The following NAALAD2 variants were observed in gnomAD, a reference collection of about 807,000 sequenced individuals.
NAALAD2 encodes N-acetylated alpha-linked acidic dipeptidase 2, also known as N-acetylated-alpha-linked acidic dipeptidase 2.
A neutral mutation model predicts 95.6 loss-of-function variants in NAALAD2; 89 were observed. The ratio of observed to expected loss-of-function variants is 0.93; its 90% confidence interval spans 0.78 to 1.11. The LOEUF is 1.11. Among genes scored for constraint, NAALAD2 ranks in the 50% least tolerant of loss-of-function variants. The pLI is 0.00. For synonymous variants in NAALAD2, 264 were observed against 294.4 expected (o/e 0.90, Z 1.06); for missense variants, 894 against 872.4 (o/e 1.02, Z -0.31).
At chr11:90,182,483 T>C (rs1403011413) in intron 17 of NAALAD2, among the ~76,000 whole-genome samples, 2 of 152,114 alleles carry the variant, frequency 1.3e-5, no homozygotes, top group Admixed American at 1.3e-4. Context: ...CAGCTATCTC[T>C]TACCCTCCTT....
chr11:90,163,613 C>G lies in NAALAD2; in HGVS notation c.1274C>G (p.Ala425Gly). ...EFGLLGSTEW[A>G]EENVKILQER... ...GGACTTCTGGGTTCCACAGAATGGG[C>G]TGAGGTAAATAAGACAAAGAAGGTT... The change falls in exon 11 of 19, where the codon GCT becomes GGT. Residue 425 changes from alanine (A) to glycine (G), a missense_variant. Transcript: ENST00000534061. 6.2e-7 allele frequency: 1 copy of G among 1,613,814 alleles called. No homozygotes were observed. The highest frequency in any genetic ancestry group is 1.1e-5 in the South Asian group (1 of 91,064).
chr11:90,149,004 A>G lies in NAALAD2; in HGVS notation c.382-2A>G. 2 of 1,561,036 alleles carry G rather than the reference A, an allele frequency of 1.3e-6. No individual in the cohort carries two copies. Among genetic ancestry groups the G allele is most frequent in the Non-Finnish European group, 1.7e-6 (2 of 1,146,580 alleles). Reference sequence around the variant, plus strand: ...AACTTGACATATTTTAATTCTTGCTAGATTTTCAAAACATCATACCTTGAA... The same window carrying G: ...AACTTGACATATTTTAATTCTTGCTGGATTTTCAAAACATCATACCTTGAA... On this transcript the variant is annotated splice_acceptor_variant, in intron 3 of 18. Coordinates refer to ENST00000534061, the MANE Select transcript of NAALAD2 (RefSeq NM_005467.4). LOFTEE classifies it high-confidence loss of function.
intron 6 of NAALAD2, among the ~76,000 whole-genome samples, chr11:90,156,003 A>C (rs113381020): frequency 3.3e-5 from 5 of 150,516 alleles, no homozygotes; most frequent in African/African-American, 1.2e-4. Context: ...ATTTCATCTA[A>C]CTTGCTGAAT....
chr11:90,134,469 C>A, upstream of NAALAD2: 1 of 394,494 alleles, frequency 2.5e-6, no homozygotes, highest in East Asian at 4.8e-5. Context: ...AAATTAGGGA[C>A]GTTTTCAGCA....
At chr11:90,187,265 G>C (rs189398733) in intron 18 of NAALAD2, among the ~76,000 whole-genome samples, 15 of 152,114 alleles carry the variant, frequency 9.9e-5, no homozygotes, top group Admixed American at 3.3e-4. Context: ...TCAGTGTGGC[G>C]ATTCCTCAGG....
At position 90,163,514 on chromosome 11, in the gene NAALAD2, G is replaced by T. The variant is rs118018208; in HGVS notation, c.1196-21G>T. On this transcript the variant is annotated intron_variant, in intron 10 of 18. Transcript: ENST00000534061. ...TTTTTAGGCAGTTGTACCTAACCAC[G>T]TGTGTTAACAATTCTTACAGGCTGG... 6 of 1,613,342 alleles carry T rather than the reference G, an allele frequency of 3.7e-6. No homozygotes were observed. The South Asian group carries it at 6.6e-5, about 18-fold the overall frequency.
chr11:90,167,705 A>G (rs946167349), intron 11 of NAALAD2, among the ~76,000 whole-genome samples: 32 of 152,192 alleles, frequency 2.1e-4, no homozygotes, highest in African/African-American at 7.5e-4. Context: ...AAACACACCA[A>G]TCAGCACCCT....
At chr11:90,181,318 A>G (rs1779161742) in intron 16 of NAALAD2, among the ~76,000 whole-genome samples, 1 of 152,120 alleles carries the variant, frequency 6.6e-6, no homozygotes, top group Non-Finnish European at 1.5e-5. Context: ...TGTTGTCCCA[A>G]TGAATGAATG....
rs150623641 is a variant in NAALAD2 at position 90,182,973 on chromosome 11, C to T, written c.1998C>T (p.Ile666=). Residue 666 remains isoleucine, a synonymous_variant, in exon 18 of 19, where the codon ATC becomes ATT. Transcript: ENST00000534061. ...TGATGCTCCTGGAAAGAGCATTCATCGATCCTCTTGGTTTACCAGGAAAGC... is the reference window on the plus strand; with the variant it reads ...TGATGCTCCTGGAAAGAGCATTCATTGATCCTCTTGGTTTACCAGGAAAGC... The part of the protein sequence containing the change: ...DQLMLLERAF[I]DPLGLPGKLF... 3.3e-4 allele frequency: 525 copies of T among 1,612,752 alleles called. 5 individuals are homozygous for T. The African/African-American group carries it at 5.8e-3, about 18-fold the overall frequency.
At chr11:90,179,207 T>C (rs1952893621) in intron 16 of NAALAD2, among the ~76,000 whole-genome samples, 1 of 152,196 alleles carries the variant, frequency 6.6e-6, no homozygotes, top group African/African-American at 2.4e-5. Flanking sequence ...ACATTGTCTT[T>C]TATTATTCTG....
Position 90,163,514 on chromosome 11 carries a change from G to A in NAALAD2, c.1196-21G>A, listed in dbSNP as rs118018208. On this transcript the variant is annotated intron_variant, in intron 10 of 18. Transcript: ENST00000534061. The stretch of plus-strand genomic sequence containing the variant: ...TTTTTAGGCAGTTGTACCTAACCAC[G>A]TGTGTTAACAATTCTTACAGGCTGG... 7,401 of 1,613,336 alleles carry A rather than the reference G, an allele frequency of 4.6e-3. 15 individuals carry two copies. The highest frequency in any genetic ancestry group is 5.6e-3 in the Non-Finnish European group (6,623 of 1,179,622).
chr11:90,135,607 A>C lies in NAALAD2; in HGVS notation c.131A>C (p.His44Pro). 7 of 1,613,620 alleles carry C rather than the reference A, an allele frequency of 4.3e-6. No individual in the cohort carries two copies. The highest frequency in any genetic ancestry group is 5.9e-6 in the Non-Finnish European group (7 of 1,179,780). ...LKETTTSVRY[H>P]QSIRWKLVSE... is the part of the protein sequence containing the mutation. ...GAAACGACCACTTCTGTGCGCTATCATCAAAGTATACGGTGGAAACTGGTA... is the reference window on the plus strand; with the variant it reads ...GAAACGACCACTTCTGTGCGCTATCCTCAAAGTATACGGTGGAAACTGGTA... The change falls in exon 2 of 19, where the codon CAT becomes CCT. Residue 44 changes from histidine (H) to proline (P), a missense_variant. Physicochemically the swap from His to Pro is moderately conservative, Grantham distance 77. Transcript: ENST00000534061.
chr11:90,185,468 C>T (rs1281680718), intron 18 of NAALAD2, among the ~76,000 whole-genome samples: 1 of 151,904 alleles, frequency 6.6e-6, no homozygotes, highest in Non-Finnish European at 1.5e-5. Flanking sequence ...GCCAGGAGCT[C>T]AAGACCAGCC....
At chr11:90,132,886 G>A (rs1343330147), upstream of NAALAD2, among the ~76,000 whole-genome samples, 1 of 152,142 alleles carries the variant, frequency 6.6e-6, no homozygotes, top group Non-Finnish European at 1.5e-5. Context: ...ATGTCTAACA[G>A]GCTAGTAGCT....
At chr11:90,144,308 G>A (rs1951695111) in intron 2 of NAALAD2, among the ~76,000 whole-genome samples, 1 of 152,154 alleles carries the variant, frequency 6.6e-6, no homozygotes, top group South Asian at 2.1e-4. Context: ...AGTTTTTAAA[G>A]AAGATAAAAG....
chr11:90,172,978 T>G (rs1373146178), intron 13 of NAALAD2, among the ~76,000 whole-genome samples: 2 of 152,154 alleles, frequency 1.3e-5, no homozygotes, highest in African/African-American at 4.8e-5. Context: ...GCCTTGGGTC[T>G]ATTTTTGAGC....
At chr11:90,134,471 T>G (rs373461198), upstream of NAALAD2, 26 of 405,122 alleles carry the variant, frequency 6.4e-5, no homozygotes, top group East Asian at 5.5e-4. Flanking sequence ...ATTAGGGACG[T>G]TTTCAGCAGC....
At chr11:90,162,179 T>C (rs1952316122) in intron 8 of NAALAD2, among the ~76,000 whole-genome samples, 1 of 152,166 alleles carries the variant, frequency 6.6e-6, no homozygotes, top group South Asian at 2.1e-4. Flanking sequence ...AAAGTAGCAT[T>C]TTCCCATGTC....
At position 90,163,031 on chromosome 11, in the gene NAALAD2, C is replaced by A. The variant is rs143822485; in HGVS notation, c.1072C>A (p.Pro358Thr). ...VVGTIRGSVE[P>T]DRYVILGGHR... ...TGGAACTATCAGAGGATCTGTGGAACCTGGTGAGTCACATAATTTTTTAAA... is the reference window on the plus strand; with the variant it reads ...TGGAACTATCAGAGGATCTGTGGAAACTGGTGAGTCACATAATTTTTTAAA... Residue 358 changes from proline to threonine, a missense_variant, in exon 9 of 19, where the codon CCT becomes ACT. Transcript: ENST00000534061. The A allele has an allele frequency of 4.5e-4, 698 of 1,540,534 alleles. 8 individuals are homozygous for A. In the East Asian group the frequency reaches 9.1e-3, roughly 20 times the overall value.
Sources: gnomAD v4.1 joint callset for allele counts (sites outside exome capture counted in the v4.1 genomes callset) on GRCh38, gnomAD v4.1.1 for gene constraint, MANE v1.5 for transcripts, NCBI Gene and HGNC (gene_info 2026-07-23, HGNC 2026-07-21) for gene names.